Variants in ZFYVE16 observed in about 807,000 individuals in gnomAD.
ZFYVE16 encodes the protein zinc finger FYVE-type containing 16.
In ZFYVE16, 89 loss-of-function variants were observed where a neutral mutation model predicts 138.1. The ratio of observed to expected loss-of-function variants is 0.64; its 90% CI spans 0.54 to 0.77. ZFYVE16 has a LOEUF of 0.77. Ranked by LOEUF, ZFYVE16 falls within the 30% of genes least tolerant of loss-of-function variation. The pLI is 0.00. For missense variants in ZFYVE16, 1,793 were observed against 1,786.7 expected, an observed-to-expected ratio of 1.00 and a Z score of -0.06; for synonymous variants, 596 against 618.3, an observed-to-expected ratio of 0.96 and a Z score of 0.53.
chr5:80,434,485 T>G (rs1230787928), intron 3 of ZFYVE16, among the ~76,000 whole-genome samples: 1 of 152,164 alleles, frequency 6.6e-6, no homozygotes, highest in Non-Finnish European at 1.5e-5. Flanking sequence ...TTTCTTTTCT[T>G]TTTATTTTTG....
chr5:80,460,420 A>G (rs889742760), intron 15 of ZFYVE16, among the ~76,000 whole-genome samples: 1 of 152,048 alleles, frequency 6.6e-6, no homozygotes, highest in African/African-American at 2.4e-5. Flanking sequence ...AGAAGTTCTC[A>G]TTTTAATACA....
chr5:80,482,778 C>G lies in ZFYVE16; in HGVS notation c.*5401C>G, dbSNP rs986391023. Reference sequence around the variant, plus strand: ...ACATTTATAAAGTGCTTTTAAAAAGCAACAAAACTGTCAACACAGAATCCT... The same window carrying G: ...ACATTTATAAAGTGCTTTTAAAAAGGAACAAAACTGTCAACACAGAATCCT... On this transcript the variant is annotated 3_prime_UTR_variant, in exon 19 of 19. Transcript: ENST00000505560. The G allele has an allele frequency of 6.6e-6, 1 of 151,922 alleles. No individual in the cohort carries two copies. The highest frequency in any genetic ancestry group is 1.5e-5 in the Non-Finnish European group (1 of 67,960). The allele number at this position is 151,922 out of a possible 1,614,324, so 9.4% of individuals were successfully genotyped here. A position where few individuals can be genotyped will look rare whatever the true frequency, so the allele number is the denominator to read the frequency against.
chr5:80,425,129 A>G (rs1431229444), intron 1 of ZFYVE16, among the ~76,000 whole-genome samples: 1 of 152,100 alleles, frequency 6.6e-6, no homozygotes, highest in Non-Finnish European at 1.5e-5. Flanking sequence ...TTATCTTTTC[A>G]AATATAGTTG....
At chr5:80,461,479 A>G (rs249017) in intron 15 of ZFYVE16, among the ~76,000 whole-genome samples, 92,242 of 152,060 alleles carry the variant, frequency 0.61, 30,906 homozygotes, top group East Asian at 0.86. Flanking sequence ...CATCTTAATC[A>G]GTTTGGGCTG....
chr5:80,444,686 T>G (rs748142633), intron 6 of ZFYVE16, among the ~76,000 whole-genome samples: 5 of 151,990 alleles, frequency 3.3e-5, no homozygotes, highest in Non-Finnish European at 7.4e-5. Flanking sequence ...GTAAGAAATG[T>G]CCTGTGATAT....
At position 80,438,451 on chromosome 5, in the gene ZFYVE16, GTCATGGTATTAATAT is replaced by G. The variant is rs1470570784; in HGVS notation, c.1767_1781del (p.Ser589_Ile594delinsArg). 1 of 1,613,800 alleles carries G rather than the reference GTCATGGTATTAATAT, an allele frequency of 6.2e-7. No individual in the cohort carries two copies. Among genetic ancestry groups the G allele is most frequent in the African/African-American group, 1.3e-5 (1 of 74,900 alleles). On this transcript the variant is annotated inframe_deletion, in exon 4 of 19. Transcript: ENST00000505560. ...GCAGAAGCAGGAGCTATTGGGGAAAGTCATGGTATTAATATAATTTGTGAAATAGTTGATAAACAA... is the reference window on the plus strand; with the variant it reads ...GCAGAAGCAGGAGCTATTGGGGAAAGAATTTGTGAAATAGTTGATAAACAA...
chr5:80,426,293 T>TATATATATATATAAATAAATAA (rs1402433567), intron 1 of ZFYVE16, among the ~76,000 whole-genome samples: 24 of 88,676 alleles, frequency 2.7e-4, no homozygotes, highest in African/African-American at 8.0e-4. Context: ...TATATATATA[T>TATATATATATATAAATAAATAA]AATTAAATTT....
intron 15 of ZFYVE16, among the ~76,000 whole-genome samples, chr5:80,464,997 AT>A (rs58299775): frequency 0.78 from 117,995 of 152,032 alleles, 48,969 homozygotes; most frequent in East Asian, 0.92. Flanking sequence ...ATGTTTATAC[AT>A]TATGTGCCCA....
intron 18 of ZFYVE16, 121 bp from the exon 19 acceptor site, chr5:80,477,098 T>C (rs1026365692): frequency 3.9e-6 from 3 of 778,278 alleles, no homozygotes; most frequent in Admixed American, 3.8e-5. Flanking sequence ...TTTATAAATA[T>C]ATCAAATATT....
At chr5:80,434,705 A>C (rs1468539012) in intron 3 of ZFYVE16, among the ~76,000 whole-genome samples, 1 of 151,990 alleles carries the variant, frequency 6.6e-6, no homozygotes, top group African/African-American at 2.4e-5. Flanking sequence ...TCCGGGGTTC[A>C]AGTGATCCTC....
At chr5:80,425,273 G>A (rs537745007) in intron 1 of ZFYVE16, among the ~76,000 whole-genome samples, 11 of 152,124 alleles carry the variant, frequency 7.2e-5, no homozygotes, top group African/African-American at 2.7e-4. Flanking sequence ...ATAGGTCTTC[G>A]ATGTCATTCA....
chr5:80,474,896 A>G lies in ZFYVE16; in HGVS notation c.4461+66A>G, dbSNP rs1229754425. On this transcript the variant is annotated intron_variant, in intron 18 of 18. Transcript: ENST00000505560. ...TTGCATATTAACAAGTTTTTCTTCA[A>G]CCTTTTATTTTGGGATGAAAGGGAA... is the stretch of plus-strand genomic sequence containing the variant. The G allele has an allele frequency of 1.2e-5, 19 of 1,522,224 alleles. No individual in the cohort carries two copies. In the Admixed American group the frequency reaches 2.1e-4, roughly 17 times the overall value. The allele number at this position is 1,522,224 out of a possible 1,614,324, so 94.3% of individuals were successfully genotyped here.
chr5:80,417,274 C>T (rs7349803), intron 1 of ZFYVE16, among the ~76,000 whole-genome samples: 3 of 152,164 alleles, frequency 2.0e-5, no homozygotes, highest in Non-Finnish European at 2.9e-5. Flanking sequence ...CACCTTATTC[C>T]TACGTCCCCT....
intron 17 of ZFYVE16, among the ~76,000 whole-genome samples, chr5:80,474,161 G>C (rs1049120519): frequency 6.6e-6 from 1 of 152,044 alleles, no homozygotes; most frequent in Admixed American, 6.6e-5. Flanking sequence ...TGAAAAATAA[G>C]ATATTGTCAT....
intron 3 of ZFYVE16, among the ~76,000 whole-genome samples, chr5:80,436,431 A>G (rs984941654): frequency 1.1e-4 from 16 of 152,212 alleles, no homozygotes; most frequent in African/African-American, 3.9e-4. Context: ...TCAGTTAGTC[A>G]TTTCTTGAAC....
intron 15 of ZFYVE16, among the ~76,000 whole-genome samples, chr5:80,465,929 CTT>C (rs532634082): frequency 3.5e-5 from 5 of 142,604 alleles, no homozygotes; most frequent in Non-Finnish European, 3.1e-5. Flanking sequence ...TATTGGTATT[CTT>C]TTTTTTTTTT....
intron 15 of ZFYVE16, among the ~76,000 whole-genome samples, chr5:80,462,527 T>C (rs1312372219): frequency 6.6e-6 from 1 of 152,206 alleles, no homozygotes; most frequent in East Asian, 1.9e-4. Flanking sequence ...ATAGGGATTA[T>C]GGGGATTACA....
rs1755242955 is a variant in ZFYVE16, at chr5:80,480,862, G to C, written c.*3485G>C. On this transcript the variant is annotated 3_prime_UTR_variant, in exon 19 of 19. Transcript: ENST00000505560. The stretch of plus-strand genomic sequence containing the variant: ...TTGAGCCCAGGAGGTTAAGGCTCCA[G>C]TGAGCTGTGATCGTGCAACAGAGCA... 6.6e-6 allele frequency among the ~76,000 whole-genome samples: 1 copy of C among 152,080 alleles called. No homozygotes were observed. Among genetic ancestry groups the C allele is most frequent in the Non-Finnish European group, 1.5e-5 (1 of 68,020 alleles).
Position 80,438,148 on chromosome 5 carries a change from A to ATGTCCC in ZFYVE16, c.1464_1469dup (p.Val489_Pro490dup), listed in dbSNP as rs1750208930. 1.9e-6 allele frequency: 3 copies of ATGTCCC among 1,614,034 alleles called. No homozygotes were observed. Among genetic ancestry groups the ATGTCCC allele is most frequent in the Non-Finnish European group, 2.5e-6 (3 of 1,179,962 alleles). ...TCTCAAGAGGGGCTTTCTGGCACTC[A>ATGTCCC]TGTCCCAGAGTCTTCTGATTGTTGT... On this transcript the variant is annotated inframe_insertion, in exon 4 of 19. Transcript: ENST00000505560.
Sources: gnomAD v4.1 joint callset for allele counts (sites outside exome capture counted in the v4.1 genomes callset) on GRCh38, gnomAD v4.1.1 for gene constraint, MANE v1.5 for transcripts, NCBI Gene and HGNC (gene_info 2026-07-23, HGNC 2026-07-21) for gene names.